The following MYO5B variants were observed in gnomAD, a reference collection of about 807,000 sequenced individuals.
MYO5B encodes unconventional myosin-Vb.
A neutral mutation model predicts 229.3 loss-of-function variants in MYO5B; 143 were observed. The observed-to-expected ratio is 0.62, with a 90% CI of 0.54 to 0.72. MYO5B has a LOEUF of 0.72. Among genes scored for constraint, MYO5B ranks in the 30% least tolerant of loss-of-function variants. The pLI is 0.00. For missense variants in MYO5B, 2,321 were observed against 2,331.0 expected, an observed-to-expected ratio of 1.00 and a Z score of 0.09; for synonymous variants, 918 against 885.2, an observed-to-expected ratio of 1.04 and a Z score of -0.66.
intron 4 of MYO5B, among the ~76,000 whole-genome samples, chr18:50,014,230 G>A (rs1235052084): frequency 2.2e-5 from 3 of 138,232 alleles, no homozygotes; most frequent in South Asian, 2.5e-4. Flanking sequence ...TTTCACAAAT[G>A]TCTACATAAA....
At position 49,894,950 on chromosome 18, in the gene MYO5B, C is replaced by G. The variant is rs373812332; in HGVS notation, c.3036G>C (p.Glu1012Asp). ...TCTGGCCTGAGCATACCTTCCTCAG[C>G]TCATCTTTCTCCCTGCTGTGGGCGT... ...LEDAHSREKD[E>D]LRKRVADLEQ... is the part of the protein sequence containing the mutation. The change falls in exon 22 of 40, where the codon GAG (glutamate) becomes GAC (aspartate). Residue 1012 changes from glutamate to aspartate, a missense_variant. Around this residue, in one of 2 missense-constraint regions of MYO5B, gnomAD observed 2,113 missense variants for 2,044.7 expected, o/e 1.03. Coordinates refer to ENST00000285039, the MANE Select transcript of MYO5B (RefSeq NM_001080467.3). The G allele has an allele frequency of 9.9e-6, 16 of 1,612,832 alleles. No individual in the cohort carries two copies. The African/African-American group carries it at 2.1e-4, about 22-fold the overall frequency.
chr18:50,162,214 T>C (rs2032777221), intron 1 of MYO5B, among the ~76,000 whole-genome samples: 1 of 152,234 alleles, frequency 6.6e-6, no homozygotes, highest in Non-Finnish European at 1.5e-5. Flanking sequence ...CTAAAATGTA[T>C]TTCTGCATAT....
At chr18:49,871,245 A>C (rs1171200644) in intron 27 of MYO5B, among the ~76,000 whole-genome samples, 1 of 152,222 alleles carries the variant, frequency 6.6e-6, no homozygotes, top group African/African-American at 2.4e-5. Context: ...AGAAAGACAG[A>C]AAGTACAATT....
chr18:49,902,419 G>T (rs1248064060), intron 21 of MYO5B, among the ~76,000 whole-genome samples, 175 bp downstream of exon 21: 1 of 152,182 alleles, frequency 6.6e-6, no homozygotes, highest in Non-Finnish European at 1.5e-5. Flanking sequence ...AGGGCTGAGG[G>T]TATCTTTAGG....
intron 1 of MYO5B, among the ~76,000 whole-genome samples, chr18:50,124,641 G>A (rs961940562): frequency 6.6e-6 from 1 of 152,154 alleles, no homozygotes; most frequent in African/African-American, 2.4e-5. Context: ...TAGAATCCCT[G>A]TGCAAATCCC....
chr18:49,836,153 T>G (rs547828700), intron 38 of MYO5B, among the ~76,000 whole-genome samples: 1 of 152,238 alleles, frequency 6.6e-6, no homozygotes, highest in East Asian at 1.9e-4. Flanking sequence ...TTTCAGGGAC[T>G]GGCAATGTGT....
chr18:50,187,754 G>A (rs1044148658), intron 1 of MYO5B, among the ~76,000 whole-genome samples: 1 of 152,074 alleles, frequency 6.6e-6, no homozygotes, highest in Non-Finnish European at 1.5e-5. Context: ...TGGGTTTAAG[G>A]GATCCTCCCA....
intron 4 of MYO5B, among the ~76,000 whole-genome samples, chr18:50,025,059 G>GT (rs2026316457): frequency 2.6e-5 from 4 of 152,290 alleles, no homozygotes; most frequent in Non-Finnish European, 2.9e-5. Flanking sequence ...GTTATGTGGT[G>GT]CCTACTGTCC....
chr18:50,030,876 G>GAAAAAAAAAAAAAAAAAAAA lies in MYO5B; in HGVS notation c.455+5954_455+5973dup, dbSNP rs869189090. ...TCTGCAGCATCCCCACTCCCTTTCA[G>GAAAAAAAAAAAAAAAAAAAA]AAAAAAAAAAAAAAAAAAAAAAAAA... On this transcript the variant is annotated intron_variant, in intron 4 of 39. Coordinates refer to ENST00000285039, the MANE Select transcript of MYO5B (RefSeq NM_001080467.3). 1.6e-4 allele frequency among the ~76,000 whole-genome samples: 5 copies of GAAAAAAAAAAAAAAAAAAAA among 30,500 alleles called. 1 individual carries two copies. Among genetic ancestry groups the GAAAAAAAAAAAAAAAAAAAA allele is most frequent in the Admixed American group, 5.7e-4 (1 of 1,750 alleles). 20.0% of individuals were successfully genotyped at this position (30,500 alleles called of 152,430 possible). A position where few individuals can be genotyped will look rare whatever the true frequency, so the allele number is the denominator to read the frequency against.
At chr18:49,934,447 T>C (rs999963623) in intron 16 of MYO5B, among the ~76,000 whole-genome samples, 4 of 152,224 alleles carry the variant, frequency 2.6e-5, no homozygotes, top group African/African-American at 9.6e-5. Flanking sequence ...AAGTCCCCAG[T>C]GTCTTCTCTC....
chr18:50,111,974 G>A (rs1445265789), intron 1 of MYO5B, among the ~76,000 whole-genome samples: 8 of 152,262 alleles, frequency 5.3e-5, no homozygotes, highest in South Asian at 4.1e-4. Flanking sequence ...AGACAAGATC[G>A]CTGTACTAAT....
chr18:49,881,193 T>C (rs1363279121), intron 22 of MYO5B, among the ~76,000 whole-genome samples: 2 of 152,340 alleles, frequency 1.3e-5, no homozygotes, highest in Admixed American at 6.5e-5. Flanking sequence ...TCAGCTTTCA[T>C]GTTTTTGTAT....
At chr18:50,045,121 G>A (rs939172338) in intron 2 of MYO5B, among the ~76,000 whole-genome samples, 2 of 152,198 alleles carry the variant, frequency 1.3e-5, no homozygotes, top group Non-Finnish European at 2.9e-5. Flanking sequence ...TCACGGTTAA[G>A]AGTCAACAGA....
chr18:49,997,138 A>G (rs1455137242), intron 5 of MYO5B, among the ~76,000 whole-genome samples: 1 of 151,962 alleles, frequency 6.6e-6, no homozygotes, highest in African/African-American at 2.4e-5. Context: ...ATGGTGGTGC[A>G]CGTCTAGTAG....
At chr18:50,127,675 T>G (rs1242143458) in intron 1 of MYO5B, among the ~76,000 whole-genome samples, 3 of 152,212 alleles carry the variant, frequency 2.0e-5, no homozygotes, top group Admixed American at 6.5e-5. Flanking sequence ...CTTTAAAGAT[T>G]GCTTACTGGG....
At chr18:50,099,322 A>G (rs1463937351) in intron 1 of MYO5B, among the ~76,000 whole-genome samples, 1 of 152,276 alleles carries the variant, frequency 6.6e-6, no homozygotes, top group African/African-American at 2.4e-5. Flanking sequence ...GTAGAGTGGG[A>G]CAGGATCATG....
intron 5 of MYO5B, among the ~76,000 whole-genome samples, chr18:49,995,556 T>C (rs958158963): frequency 6.6e-6 from 1 of 152,124 alleles, no homozygotes; most frequent in South Asian, 2.1e-4. Context: ...TATCTTTTTA[T>C]GTAAAAGCAG....
intron 29 of MYO5B, among the ~76,000 whole-genome samples, chr18:49,861,014 C>A (rs1568614082): frequency 6.6e-6 from 1 of 152,144 alleles, no homozygotes; most frequent in Non-Finnish European, 1.5e-5. Flanking sequence ...GAACACTTCC[C>A]AAAGCTAAAG....
At chr18:49,937,214 C>T in intron 15 of MYO5B, 31 bp downstream of exon 15, 1 of 1,613,552 alleles carries the variant, frequency 6.2e-7, no homozygotes, top group Non-Finnish European at 8.5e-7. Context: ...GCACATGCAC[C>T]TCAGCCCATA....
Sources: allele counts gnomAD v4.1 joint callset (sites outside exome capture counted in the v4.1 genomes callset), GRCh38; gene constraint gnomAD v4.1.1; regional missense constraint gnomAD v4.1.1; transcripts MANE v1.5; gene names NCBI Gene and HGNC (gene_info 2026-07-23, HGNC 2026-07-21).